The following NTRK2 variants were observed in gnomAD, a reference collection of about 807,000 sequenced individuals.
NTRK2 encodes the protein neurotrophic receptor tyrosine kinase 2, also known as BDNF/NT-3 growth factors receptor.
A neutral mutation model predicts 94.5 loss-of-function variants in NTRK2; 13 were observed. The ratio of observed to expected loss-of-function variants is 0.14; its 90% CI spans 0.09 to 0.22. NTRK2 has a LOEUF of 0.22. Ranked by LOEUF, NTRK2 falls within the 10% of genes least tolerant of loss-of-function variation. NTRK2 has a pLI of 1.00. For missense variants in NTRK2, 639 were observed against 1,071.2 expected (o/e 0.60, Z 5.63); for synonymous variants, 372 against 407.4 (o/e 0.91, Z 1.05).
At chr9:84,891,101 A>G (rs1364310601) in intron 14 of NTRK2, among the ~76,000 whole-genome samples, 1 of 152,098 alleles carries the variant, frequency 6.6e-6, no homozygotes, top group South Asian at 2.1e-4. Context: ...GGAAAGTCCA[A>G]AATGGTTTCT....
At chr9:84,982,234 C>T (rs1827712101) in intron 17 of NTRK2, among the ~76,000 whole-genome samples, 1 of 152,172 alleles carries the variant, frequency 6.6e-6, no homozygotes, top group South Asian at 2.1e-4. Context: ...TATGCCACAC[C>T]CACAAGGGTA....
chr9:84,683,064 A>G (rs1463910501), intron 2 of NTRK2, among the ~76,000 whole-genome samples: 1 of 152,176 alleles, frequency 6.6e-6, no homozygotes, highest in African/African-American at 2.4e-5. Context: ...CACCTCCAGA[A>G]GGCCCCACCT....
rs1823992897 is a variant in NTRK2 at position 84,955,400 on chromosome 9, C to T, written c.2055C>T (p.Ser685=). 5.0e-6 allele frequency: 8 copies of T among 1,614,214 alleles called. No homozygotes were observed. The highest frequency in any genetic ancestry group is 1.3e-5 in the African/African-American group (1 of 75,074). The stretch of plus-strand genomic sequence containing the variant: ...CCGCGGGCATGGTCTACCTGGCGTC[C>T]CAGCACTTCGTGCACCGCGATTTGG... ...QIAAGMVYLA[S]QHFVHRDLAT... The change falls in exon 17 of 19, where the codon TCC becomes TCT. Residue 685 remains serine, a synonymous_variant. Transcript: ENST00000277120.
intron 5 of NTRK2, among the ~76,000 whole-genome samples, chr9:84,708,260 G>C (rs998924806): frequency 6.6e-6 from 1 of 152,236 alleles, no homozygotes; most frequent in Non-Finnish European, 1.5e-5. Context: ...GCTCTGGTTT[G>C]GTTCCTGTTG....
chr9:84,700,215 C>G (rs1481620497), intron 2 of NTRK2, among the ~76,000 whole-genome samples: 2 of 152,144 alleles, frequency 1.3e-5, no homozygotes, highest in East Asian at 3.8e-4. Context: ...AAATTCAGGG[C>G]TCTTTAGAAT....
intron 14 of NTRK2, among the ~76,000 whole-genome samples, chr9:84,894,915 G>A (rs530140311): frequency 2.6e-5 from 4 of 152,140 alleles, no homozygotes; most frequent in African/African-American, 9.6e-5. Flanking sequence ...GATGCCACTG[G>A]GCTCAGCTGG....
At chr9:84,775,803 A>G (rs1310398263) in intron 12 of NTRK2, among the ~76,000 whole-genome samples, 1 of 152,198 alleles carries the variant, frequency 6.6e-6, no homozygotes, top group Non-Finnish European at 1.5e-5. Context: ...AATATCACTT[A>G]GGAACTTTTT....
At chr9:84,708,733 T>G (rs2061256822) in intron 5 of NTRK2, among the ~76,000 whole-genome samples, 1 of 152,220 alleles carries the variant, frequency 6.6e-6, no homozygotes, top group Non-Finnish European at 1.5e-5. Flanking sequence ...TCCATCCTTA[T>G]TCACAAGGAA....
rs1443632588 is a variant in NTRK2, at chr9:85,023,654, T to C, written c.*2217T>C. The C allele has an allele frequency of 8.7e-6, 2 of 231,210 alleles. No homozygotes were observed. The highest frequency in any genetic ancestry group is 1.7e-5 in the Non-Finnish European group (2 of 116,892). 14.3% of individuals were successfully genotyped at this position (231,210 alleles called of 1,614,324 possible). A position where few individuals can be genotyped will look rare whatever the true frequency, so the allele number is the denominator to read the frequency against. On this transcript the variant is annotated 3_prime_UTR_variant, in exon 19 of 19. Transcript: ENST00000277120. ...AAGCCATATCTCCATGATATATATG[T>C]GCACATATATATACATACATGTGCA... is the stretch of plus-strand genomic sequence containing the variant.
At chr9:84,776,789 A>C (rs2067092151) in intron 12 of NTRK2, among the ~76,000 whole-genome samples, 2 of 152,338 alleles carry the variant, frequency 1.3e-5, no homozygotes, top group Middle Eastern at 3.4e-3. Context: ...ATAGGAGAGG[A>C]ACCCTGAATT....
At chr9:84,743,811 G>T (rs1309710207) in intron 10 of NTRK2, among the ~76,000 whole-genome samples, 1 of 152,126 alleles carries the variant, frequency 6.6e-6, no homozygotes, top group Non-Finnish European at 1.5e-5. Flanking sequence ...ACAAATAAAT[G>T]ATATCCATTA....
At position 84,870,126 on chromosome 9, in the gene NTRK2, T is replaced by TATATATAC. The variant is rs774255186; in HGVS notation, c.1633+2696_1633+2697insTATATACA. 1.7e-4 allele frequency among the ~76,000 whole-genome samples: 16 copies of TATATATAC among 95,620 alleles called. No individual in the cohort carries two copies. Among genetic ancestry groups the TATATATAC allele is most frequent in the South Asian group, 1.5e-3 (4 of 2,684 alleles). 62.7% of individuals were successfully genotyped at this position (95,620 alleles called of 152,430 possible). A position where few individuals can be genotyped will look rare whatever the true frequency, so the allele number is the denominator to read the frequency against. On this transcript the variant is annotated intron_variant, in intron 14 of 18. Transcript: ENST00000277120. ...ATATATATATATATATATATATATA[T>TATATATAC]ACACACACACACACATATATATACA...
intron 14 of NTRK2, among the ~76,000 whole-genome samples, chr9:84,889,224 T>C (rs913165509): frequency 2.0e-5 from 3 of 151,104 alleles, no homozygotes; most frequent in Non-Finnish European, 1.5e-5. Flanking sequence ...TCTCCTGACC[T>C]CGTGATCCGC....
chr9:84,753,106 G>A (rs1397242083), intron 12 of NTRK2, among the ~76,000 whole-genome samples: 2 of 152,296 alleles, frequency 1.3e-5, no homozygotes, highest in South Asian at 2.1e-4. Context: ...CTTTGTTGGT[G>A]CCTGTGAACA....
At chr9:84,998,527 C>T (rs182107795) in intron 17 of NTRK2, among the ~76,000 whole-genome samples, 18 of 152,258 alleles carry the variant, frequency 1.2e-4, no homozygotes, top group Admixed American at 2.0e-4. Context: ...GGCTTTACAA[C>T]GACTGTAAAA....
rs193015889 is a variant in NTRK2 at position 84,834,157 on chromosome 9, G to T, written c.1397-26883G>T. Reference sequence around the variant, plus strand: ...GAACCTATCAAAAGCCTATCAATAAGGTTGCCAGATTTAGCAAATAAATAC... The same window carrying T: ...GAACCTATCAAAAGCCTATCAATAATGTTGCCAGATTTAGCAAATAAATAC... On this transcript the variant is annotated intron_variant, in intron 12 of 18. Coordinates refer to ENST00000277120, the MANE Select transcript of NTRK2 (RefSeq NM_006180.6). Among the ~76,000 whole-genome samples, 8 of 152,206 alleles carry T rather than the reference G, an allele frequency of 5.3e-5. No individual in the cohort carries two copies. The East Asian group carries it at 1.4e-3, about 26-fold the overall frequency.
chr9:84,960,587 C>T (rs1824796672), intron 17 of NTRK2, among the ~76,000 whole-genome samples: 1 of 152,104 alleles, frequency 6.6e-6, no homozygotes, highest in African/African-American at 2.4e-5. Flanking sequence ...AGACTCATCC[C>T]ACAGATGTTT....
chr9:84,765,477 C>T (rs2065943325), intron 12 of NTRK2, among the ~76,000 whole-genome samples: 1 of 152,072 alleles, frequency 6.6e-6, no homozygotes, highest in Non-Finnish European at 1.5e-5. Flanking sequence ...TCACTTGCAG[C>T]CTTTATTTTA....
chr9:84,752,093 G>A lies in NTRK2; in HGVS notation c.1396+8G>A, dbSNP rs773364174. 5.0e-6 allele frequency: 8 copies of A among 1,609,570 alleles called. No individual in the cohort carries two copies. Among genetic ancestry groups the A allele is most frequent in the South Asian group, 1.1e-5 (1 of 90,964 alleles). Reference sequence around the variant, plus strand: ...CCAAGTTTGGCATGAAAGGTAAGAAGGGTTGTGTTTATTTAGCTTCTTATG... The same window carrying A: ...CCAAGTTTGGCATGAAAGGTAAGAAAGGTTGTGTTTATTTAGCTTCTTATG... On this transcript the variant is annotated splice_region_variant and intron_variant, in intron 12 of 18. Coordinates refer to ENST00000277120, the MANE Select transcript of NTRK2 (RefSeq NM_006180.6).
Sources: gnomAD v4.1 joint callset for allele counts (sites outside exome capture counted in the v4.1 genomes callset) on GRCh38, gnomAD v4.1.1 for gene constraint, MANE v1.5 for transcripts, NCBI Gene and HGNC (gene_info 2026-07-23, HGNC 2026-07-21) for gene names.